Variants in CUEDC1 observed in about 807,000 individuals in gnomAD.
CUEDC1 encodes CUE domain containing 1, also known as CUE domain-containing protein 1.
In CUEDC1, 30 loss-of-function variants were observed where a neutral mutation model predicts 43.7. The observed-to-expected ratio is 0.69, with a 90% CI of 0.51 to 0.93. The LOEUF is 0.93. Among genes scored for constraint, CUEDC1 ranks in the 40% least tolerant of loss-of-function variants. CUEDC1 has a pLI of 0.00. For synonymous variants in CUEDC1, 223 were observed against 223.6 expected (o/e 1.00, Z 0.02); for missense variants, 486 against 549.0 (o/e 0.89, Z 1.15).
At chr17:57,868,339 C>A in intron 7 of CUEDC1, 96 bp from the exon 8 acceptor site, 1 of 1,107,240 alleles carries the variant, frequency 9.0e-7, no homozygotes, top group East Asian at 2.4e-5. Flanking sequence ...GGACCAAGGC[C>A]CCCCGGAGAG....
chr17:57,868,339 C>T, intron 7 of CUEDC1, 96 bp from the exon 8 acceptor site: 1 of 1,107,240 alleles, frequency 9.0e-7, no homozygotes, highest in South Asian at 1.3e-5. Context: ...GGACCAAGGC[C>T]CCCCGGAGAG....
intron 10 of CUEDC1, among the ~76,000 whole-genome samples, chr17:57,866,155 C>T (rs147713863): frequency 2.0e-4 from 30 of 152,310 alleles, no homozygotes; most frequent in African/African-American, 6.0e-4. Flanking sequence ...CAGTGTGCTA[C>T]GTGTGTCCTG....
intron 1 of CUEDC1, among the ~76,000 whole-genome samples, chr17:57,941,879 G>A (rs1010808366): frequency 1.3e-5 from 2 of 152,242 alleles, no homozygotes; most frequent in Admixed American, 6.5e-5. Flanking sequence ...GAAGGAAAAC[G>A]AGGTGAATGG....
chr17:57,925,097 GT>G (rs1413444102), intron 1 of CUEDC1, among the ~76,000 whole-genome samples: 4 of 147,160 alleles, frequency 2.7e-5, no homozygotes, highest in African/African-American at 1.0e-4. Flanking sequence ...ATCACAACTA[GT>G]TTTTAAAACT....
chr17:57,862,322 C>G lies in CUEDC1; in HGVS notation c.*967G>C, dbSNP rs1047260579. The G allele has an allele frequency of 6.6e-6, 1 of 152,632 alleles. No individual in the cohort carries two copies. The highest frequency in any genetic ancestry group is 1.9e-4 in the East Asian group (1 of 5,178). 9.5% of individuals were successfully genotyped at this position (152,632 alleles called of 1,614,324 possible). A position where few individuals can be genotyped will look rare whatever the true frequency, so the allele number is the denominator to read the frequency against. Reference sequence around the variant, plus strand: ...TGCCCTAGGCGCTCACCCAGGCTGGCGGCCTTTCCGCCTTGCTCTTTAGCC... The same window carrying G: ...TGCCCTAGGCGCTCACCCAGGCTGGGGGCCTTTCCGCCTTGCTCTTTAGCC... On this transcript the variant is annotated 3_prime_UTR_variant, in exon 11 of 11. Transcript: ENST00000577830.
At chr17:57,879,858 G>A in intron 2 of CUEDC1, 120 bp from the exon 3 acceptor site, 1 of 1,034,460 alleles carries the variant, frequency 9.7e-7, no homozygotes, top group Non-Finnish European at 1.4e-6. Context: ...TGTTGCTAGT[G>A]GGAGTGTAAA....
chr17:57,864,398 G>A (rs2073926150), intron 10 of CUEDC1, among the ~76,000 whole-genome samples: 1 of 152,186 alleles, frequency 6.6e-6, no homozygotes, highest in African/African-American at 2.4e-5. Flanking sequence ...ACTTCGAAGA[G>A]GGTCAAGGGC....
At chr17:57,910,434 G>GA (rs528618114) in intron 1 of CUEDC1, among the ~76,000 whole-genome samples, 8 of 150,424 alleles carry the variant, frequency 5.3e-5, no homozygotes, top group South Asian at 2.1e-4. Flanking sequence ...TTCAACCACA[G>GA]AAAAAAAAAT....
chr17:57,919,176 C>T (rs1184490252), intron 1 of CUEDC1, among the ~76,000 whole-genome samples: 2 of 151,132 alleles, frequency 1.3e-5, no homozygotes, highest in Non-Finnish European at 1.5e-5. Context: ...TTTATGTTTT[C>T]TTAATTAATT....
rs2075041116 is a variant in CUEDC1 at position 57,954,832 on chromosome 17, G to A, written c.-316+393C>T. Among the ~76,000 whole-genome samples the A allele has an allele frequency of 6.6e-6, 1 of 151,994 alleles. No individual in the cohort carries two copies. ...GGGAGGGGCGCCCACACAAAAGGGG[G>A]AGCGGCGGGAGAGGGGACTCGGGCG... On this transcript the variant is annotated intron_variant, in intron 1 of 10. Transcript: ENST00000577830. This position sits in a 1 kb window ranked among gnomAD's most constrained non-coding sequence, Gnocchi z 4.3.
chr17:57,944,012 C>A (rs2074938461), intron 1 of CUEDC1, among the ~76,000 whole-genome samples: 1 of 152,080 alleles, frequency 6.6e-6, no homozygotes, highest in African/African-American at 2.4e-5. Flanking sequence ...CCTCAGCTAA[C>A]TAGCAGTGTG....
At chr17:57,887,469 T>TG (rs1201772244) in intron 1 of CUEDC1, among the ~76,000 whole-genome samples, 1 of 151,558 alleles carries the variant, frequency 6.6e-6, no homozygotes, top group African/African-American at 2.4e-5. Context: ...TTCTAGGACT[T>TG]GGAGTCACAA....
intron 7 of CUEDC1, among the ~76,000 whole-genome samples, chr17:57,868,713 G>T (rs1028070844): frequency 6.6e-6 from 1 of 152,174 alleles, no homozygotes; most frequent in African/African-American, 2.4e-5. Flanking sequence ...TGTGTGGCGG[G>T]GAGGTGAGGG....
intron 9 of CUEDC1, 30 bp downstream of exon 9, chr17:57,867,327 T>C (rs1243905043): frequency 3.2e-6 from 5 of 1,547,742 alleles, no homozygotes; most frequent in Non-Finnish European, 4.4e-6. Flanking sequence ...CATAGAGAAG[T>C]TGGAGCTTAC....
intron 1 of CUEDC1, among the ~76,000 whole-genome samples, chr17:57,913,816 C>T (rs999957299): frequency 6.6e-6 from 1 of 152,208 alleles, no homozygotes; most frequent in Non-Finnish European, 1.5e-5. Context: ...AGCACCCCAC[C>T]CCAGCATACT....
At chr17:57,883,197 T>G (rs1366687396) in intron 2 of CUEDC1, among the ~76,000 whole-genome samples, 1 of 152,180 alleles carries the variant, frequency 6.6e-6, no homozygotes, top group Non-Finnish European at 1.5e-5. Context: ...CAGCAACACG[T>G]ACTCATTCAA....
intron 1 of CUEDC1, among the ~76,000 whole-genome samples, chr17:57,948,895 C>T (rs2074980685): frequency 1.3e-5 from 2 of 152,306 alleles, no homozygotes; most frequent in Admixed American, 1.3e-4. Flanking sequence ...TTTATGTCTT[C>T]TTCACCATGT....
intron 1 of CUEDC1, among the ~76,000 whole-genome samples, chr17:57,896,311 C>A (rs1464209398): frequency 2.0e-5 from 3 of 152,124 alleles, no homozygotes; most frequent in African/African-American, 7.2e-5. Flanking sequence ...ACAAGTCTAC[C>A]CGTAGCAGGC....
rs1038769271 is a variant in CUEDC1 at position 57,861,634 on chromosome 17, A to AT, written c.*1654dup. ...CCAACTGTTTATTACAGGAATTCCT[A>AT]TGAAACAGCTCCAAGAAAAAACCCA... is the stretch of plus-strand genomic sequence containing the variant. On this transcript the variant is annotated 3_prime_UTR_variant, in exon 11 of 11. Coordinates refer to ENST00000577830, the MANE Select transcript of CUEDC1 (RefSeq NM_001271875.2). 5.9e-5 allele frequency: 9 copies of AT among 152,400 alleles called. No homozygotes were observed. Among genetic ancestry groups the AT allele is most frequent in the Admixed American group, 3.9e-4 (6 of 15,294 alleles). 9.4% of individuals were successfully genotyped at this position (152,400 alleles called of 1,614,324 possible). A position where few individuals can be genotyped will look rare whatever the true frequency, so the allele number is the denominator to read the frequency against.
Sources: gnomAD v4.1 joint callset for allele counts (sites outside exome capture counted in the v4.1 genomes callset) on GRCh38, gnomAD v4.1.1 for gene constraint, Gnocchi (gnomAD v3.1) non-coding constraint, MANE v1.5 for transcripts, NCBI Gene and HGNC (gene_info 2026-07-23, HGNC 2026-07-21) for gene names.